KCNQ5: variants seen among roughly 807,000 people sequenced by gnomAD.
The protein encoded by KCNQ5 is potassium voltage-gated channel subfamily KQT member 5.
KCNQ5 carries 30 observed loss-of-function variants against 98.2 expected under a neutral mutation model. The ratio of observed to expected loss-of-function variants is 0.31; its 90% confidence interval spans 0.23 to 0.41. The LOEUF (loss-of-function observed/expected upper bound fraction) is 0.41. Among genes scored for constraint, KCNQ5 ranks in the 10% least tolerant of loss-of-function variants. The pLI is 1.00. For synonymous variants in KCNQ5, 458 were observed against 449.4 expected (o/e 1.02, Z -0.24); for missense variants, 835 against 1,182.5 (o/e 0.71, Z 4.31).
intron 1 of KCNQ5, among the ~76,000 whole-genome samples, chr6:72,972,450 G>T (rs1021209518): frequency 6.6e-6 from 1 of 151,824 alleles, no homozygotes; most frequent in East Asian, 1.9e-4. Flanking sequence ...GTGCCATGGT[G>T]GTTTGCTGCA....
chr6:73,124,446 G>A, intron 8 of KCNQ5, 40 bp from the exon 9 acceptor site: 3 of 1,607,026 alleles, frequency 1.9e-6, no homozygotes, highest in Non-Finnish European at 2.6e-6. Flanking sequence ...TATATTCACT[G>A]GTTTATCATC....
Position 72,788,060 on chromosome 6 carries a change from C to T in KCNQ5, c.398+165473C>T, listed in dbSNP as rs1358729489. 3.3e-5 allele frequency among the ~76,000 whole-genome samples: 5 copies of T among 152,144 alleles called. No individual in the cohort carries two copies. In the East Asian group the frequency reaches 9.6e-4, roughly 29 times the overall value. On this transcript the variant is annotated intron_variant, in intron 1 of 13. Transcript: ENST00000370398. ...TTGGGTATCTGCATTTCCAGCCTGA[C>T]ATCAACTAGTCACTTAAGTGTTTGG...
intron 1 of KCNQ5, among the ~76,000 whole-genome samples, chr6:72,624,366 C>G (rs1399002018): frequency 6.6e-6 from 1 of 152,090 alleles, no homozygotes. Context: ...TTTTTCTTTA[C>G]AACAGTATGC....
chr6:73,040,770 A>G lies in KCNQ5; in HGVS notation c.490-1166A>G, dbSNP rs576925150. The stretch of plus-strand genomic sequence containing the variant: ...GCTCTACTAGGCATTTCAAAAGTGC[A>G]GCATATCATCACATGCTCTAATTAA... On this transcript the variant is annotated intron_variant, in intron 2 of 13. Coordinates refer to ENST00000370398, the MANE Select transcript of KCNQ5 (RefSeq NM_019842.4). Among the ~76,000 whole-genome samples, 8 of 152,350 alleles carry G rather than the reference A, an allele frequency of 5.3e-5. No individual in the cohort carries two copies. The South Asian group carries it at 1.7e-3, about 32-fold the overall frequency.
At chr6:72,831,524 A>G (rs993394407) in intron 1 of KCNQ5, among the ~76,000 whole-genome samples, 4 of 150,880 alleles carry the variant, frequency 2.7e-5, no homozygotes, top group African/African-American at 9.8e-5. Flanking sequence ...GTGAGAAATG[A>G]CCAATGAGAA....
chr6:72,739,232 A>G (rs3005766), intron 1 of KCNQ5, among the ~76,000 whole-genome samples: 108,670 of 152,080 alleles, frequency 0.71, 39,686 homozygotes, highest in Non-Finnish European at 0.8. Context: ...TTTATTTTAA[A>G]TAAAAGAAAG....
chr6:73,035,618 G>A (rs1771378660), intron 2 of KCNQ5, among the ~76,000 whole-genome samples: 1 of 152,112 alleles, frequency 6.6e-6, no homozygotes, highest in Non-Finnish European at 1.5e-5. Context: ...ACAGATTTTT[G>A]TATTTTCAAC....
intron 1 of KCNQ5, among the ~76,000 whole-genome samples, chr6:72,898,158 T>C (rs1269427639): frequency 6.6e-6 from 1 of 152,244 alleles, no homozygotes; most frequent in Non-Finnish European, 1.5e-5. Flanking sequence ...AATGAGATTT[T>C]TTTTTTAATT....
At chr6:72,872,162 C>T (rs907852112) in intron 1 of KCNQ5, among the ~76,000 whole-genome samples, 12 of 152,220 alleles carry the variant, frequency 7.9e-5, no homozygotes, top group Non-Finnish European at 4.4e-5. Flanking sequence ...ATGTACCTCT[C>T]TCCCTTCCCT....
intron 1 of KCNQ5, among the ~76,000 whole-genome samples, chr6:72,810,798 C>T (rs980891167): frequency 3.9e-5 from 6 of 152,156 alleles, no homozygotes; most frequent in African/African-American, 1.2e-4. Context: ...AACTCTGAAA[C>T]ATAGACATGT....
At chr6:72,976,809 G>A (rs938494587) in intron 1 of KCNQ5, among the ~76,000 whole-genome samples, 4 of 152,210 alleles carry the variant, frequency 2.6e-5, no homozygotes, top group Non-Finnish European at 5.9e-5. Flanking sequence ...GTAACAAGAA[G>A]CTGAATGCAG....
intron 1 of KCNQ5, among the ~76,000 whole-genome samples, chr6:72,707,619 A>G (rs1425711346): frequency 6.6e-6 from 1 of 152,188 alleles, no homozygotes; most frequent in Non-Finnish European, 1.5e-5. Context: ...TGGAACTTAA[A>G]TTATATATTA....
intron 1 of KCNQ5, among the ~76,000 whole-genome samples, chr6:72,686,824 G>A (rs894475376): frequency 1.5e-5 from 2 of 129,058 alleles, no homozygotes; most frequent in Non-Finnish European, 3.3e-5. Context: ...TTATTGTTTT[G>A]TTCCTTCTTT....
chr6:73,175,270 C>T (rs1211000461), intron 11 of KCNQ5, among the ~76,000 whole-genome samples: 1 of 152,132 alleles, frequency 6.6e-6, no homozygotes, highest in Non-Finnish European at 1.5e-5. Flanking sequence ...CCTGCCTCCG[C>T]CTCCTGAGTA....
intron 1 of KCNQ5, among the ~76,000 whole-genome samples, chr6:72,776,186 C>T (rs6926416): frequency 0.6 from 90,591 of 151,926 alleles, 27,014 homozygotes; most frequent in Admixed American, 0.63. Flanking sequence ...TGTGTTACAC[C>T]GCAACTGGGA....
intron 1 of KCNQ5, among the ~76,000 whole-genome samples, chr6:72,883,809 G>T (rs1778747244): frequency 2.0e-5 from 3 of 152,076 alleles, no homozygotes; most frequent in Non-Finnish European, 4.4e-5. Context: ...AGGAAATAGA[G>T]AGAACAAAGA....
intron 5 of KCNQ5, among the ~76,000 whole-genome samples, chr6:73,088,513 GT>G (rs1582331317): frequency 6.6e-6 from 1 of 152,072 alleles, no homozygotes; most frequent in Non-Finnish European, 1.5e-5. Flanking sequence ...AAATGTCTGT[GT>G]TTTTTGAGGT....
At chr6:73,006,826 G>GT (rs1422228335) in intron 2 of KCNQ5, among the ~76,000 whole-genome samples, 3 of 151,948 alleles carry the variant, frequency 2.0e-5, no homozygotes, top group Middle Eastern at 3.4e-3. Flanking sequence ...ATCCCTTTTG[G>GT]TTTTTTTAAC....
chr6:72,763,334 A>G (rs1326023953), intron 1 of KCNQ5, among the ~76,000 whole-genome samples: 1 of 152,044 alleles, frequency 6.6e-6, no homozygotes, highest in Non-Finnish European at 1.5e-5. Context: ...CTGTGTAGAC[A>G]TTTAAAAGAA....
Sources: gnomAD v4.1 joint callset for allele counts (sites outside exome capture counted in the v4.1 genomes callset) on GRCh38, gnomAD v4.1.1 for gene constraint, MANE v1.5 for transcripts, NCBI Gene and HGNC (gene_info 2026-07-23, HGNC 2026-07-21) for gene names.